Variants in ITSN2 observed in about 807,000 individuals in gnomAD.
ITSN2 encodes intersectin 2, also known as intersectin-2.
ITSN2 carries 156 observed loss-of-function variants against 243.7 expected under a neutral mutation model. The ratio of observed to expected loss-of-function variants is 0.64; its 90% confidence interval spans 0.56 to 0.73. The LOEUF (loss-of-function observed/expected upper bound fraction) is 0.73. ITSN2 is among the 30% of genes least tolerant of loss of function. The pLI is 0.00. For synonymous variants in ITSN2, 703 were observed against 699.9 expected, an observed-to-expected ratio of 1.00 and a Z score of -0.07; for missense variants, 1,801 against 1,996.1, an observed-to-expected ratio of 0.90 and a Z score of 1.86.
chr2:24,264,512 G>T (rs1420284302), intron 20 of ITSN2, among the ~76,000 whole-genome samples: 1 of 152,072 alleles, frequency 6.6e-6, no homozygotes, highest in East Asian at 1.9e-4. Context: ...AAATTCTACA[G>T]TTATAGGTTC....
intron 34 of ITSN2, 101 bp downstream of exon 34, chr2:24,210,679 G>C: frequency 9.2e-7 from 1 of 1,085,518 alleles, no homozygotes; most frequent in Non-Finnish European, 1.3e-6. Flanking sequence ...AGTCCACGCA[G>C]GCTGCCTAAG....
intron 2 of ITSN2, among the ~76,000 whole-genome samples, chr2:24,315,541 C>G (rs930277614): frequency 6.6e-6 from 1 of 152,218 alleles, no homozygotes; most frequent in Non-Finnish European, 1.5e-5. Context: ...ACAGTACTTA[C>G]AGTATTCACC....
intron 25 of ITSN2, among the ~76,000 whole-genome samples, chr2:24,250,290 G>A (rs1673926051): frequency 6.6e-6 from 1 of 152,182 alleles, no homozygotes. Flanking sequence ...TTGGGATTTA[G>A]CGAACATTTT....
At chr2:24,230,217 AT>A (rs1352048781) in intron 29 of ITSN2, among the ~76,000 whole-genome samples, 8 of 152,130 alleles carry the variant, frequency 5.3e-5, no homozygotes, top group African/African-American at 1.9e-4. Flanking sequence ...TGGCAATATC[AT>A]CTCTCCAGCT....
intron 29 of ITSN2, among the ~76,000 whole-genome samples, chr2:24,236,835 G>GCTAT (rs141040899): frequency 6.5e-4 from 98 of 150,964 alleles, no homozygotes; most frequent in African/African-American, 1.7e-3. Context: ...ACCACTCCCA[G>GCTAT]CTATCTATCT....
intron 19 of ITSN2, among the ~76,000 whole-genome samples, chr2:24,271,257 T>C (rs918755919): frequency 6.6e-6 from 1 of 152,206 alleles, no homozygotes; most frequent in African/African-American, 2.4e-5. Context: ...TACACAAATA[T>C]ACTGAATTTG....
At chr2:24,297,619 T>C (rs1443027289) in intron 13 of ITSN2, among the ~76,000 whole-genome samples, 1 of 152,188 alleles carries the variant, frequency 6.6e-6, no homozygotes, top group East Asian at 1.9e-4. Context: ...AGCTTCTCTG[T>C]TGTGAAGCGT....
Position 24,256,471 on chromosome 2 carries a change from A to C in ITSN2, c.2888+1417T>G, listed in dbSNP as rs1675070878. On this transcript the variant is annotated intron_variant, in intron 23 of 39. Transcript: ENST00000355123. ...GCAAAAGACCAGCATCTTTTCATCAAATCAGACTGCTTTTCTACCAACTTC... is the reference window on the plus strand; with the variant it reads ...GCAAAAGACCAGCATCTTTTCATCACATCAGACTGCTTTTCTACCAACTTC... Among the ~76,000 whole-genome samples the C allele has an allele frequency of 2.6e-5, 4 of 152,242 alleles. 1 individual carries two copies. The highest frequency in any genetic ancestry group is 2.6e-4 in the Admixed American group (4 of 15,282).
At chr2:24,244,647 GT>G (rs1673124309) in intron 29 of ITSN2, among the ~76,000 whole-genome samples, 1 of 152,096 alleles carries the variant, frequency 6.6e-6, no homozygotes. Context: ...AGATAAACTG[GT>G]TTCTAATTAA....
chr2:24,317,377 C>T (rs1339640042), intron 2 of ITSN2, among the ~76,000 whole-genome samples: 4 of 149,112 alleles, frequency 2.7e-5, no homozygotes, highest in African/African-American at 5.0e-5. Context: ...AAGGGCAAGA[C>T]GCAATCTCAA....
In ITSN2 at chr2:24,216,212, T is replaced by G; in HGVS notation, c.3827A>C (p.Lys1276Thr). ...KLLKALRVRK[K>T]TGGEKMPVQM... The stretch of plus-strand genomic sequence containing the variant: ...CACCGGCATCTTCTCGCCCCCGGTC[T>G]TCTTCCGCACCCGCAAAGCCCTGCC... Residue 1276 changes from lysine (K) to threonine (T), a missense_variant, in exon 32 of 40, where the codon AAG becomes ACG. Transcript: ENST00000355123. 1.9e-6 allele frequency: 3 copies of G among 1,605,366 alleles called. No homozygotes were observed. The highest frequency in any genetic ancestry group is 1.7e-6 in the Non-Finnish European group (2 of 1,175,972).
rs1331476745 is a variant in ITSN2, at chr2:24,293,677, T to C, written c.1723+11A>G. 3 of 928,360 alleles carry C rather than the reference T, an allele frequency of 3.2e-6. No homozygotes were observed. Among genetic ancestry groups the C allele is most frequent in the East Asian group, 5.5e-5 (2 of 36,508 alleles). 57.5% of individuals were successfully genotyped at this position (928,360 alleles called of 1,614,324 possible). A position where few individuals can be genotyped will look rare whatever the true frequency, so the allele number is the denominator to read the frequency against. ...AGGATAAAAGTAATCAGACAAACCT[T>C]AGAGACTTACCAGGTGTGTTACTGA... On this transcript the variant is annotated intron_variant, in intron 15 of 39. Transcript: ENST00000355123.
At chr2:24,308,950 C>T (rs1178198394) in intron 7 of ITSN2, 194 bp from the exon 8 acceptor site, 6 of 574,046 alleles carry the variant, frequency 1.0e-5, no homozygotes, top group Non-Finnish European at 1.7e-5. Flanking sequence ...TGAGCTCCAG[C>T]TCCTGTCCAG....
chr2:24,236,497 T>C (rs1672167223), intron 29 of ITSN2, among the ~76,000 whole-genome samples: 1 of 152,186 alleles, frequency 6.6e-6, no homozygotes, highest in Non-Finnish European at 1.5e-5. Flanking sequence ...TGTATCTCAA[T>C]GAAGCTGTTA....
chr2:24,331,102 G>T, intron 1 of ITSN2, among the ~76,000 whole-genome samples: 1 of 119,834 alleles, frequency 8.3e-6, no homozygotes, highest in Non-Finnish European at 1.7e-5. Flanking sequence ...GCAGAGTTTC[G>T]CTCTTGTTGC....
intron 17 of ITSN2, among the ~76,000 whole-genome samples, chr2:24,279,577 G>A (rs1678481181): frequency 1.3e-5 from 2 of 152,168 alleles, no homozygotes; most frequent in Non-Finnish European, 2.9e-5. Flanking sequence ...ATGTCAGCAT[G>A]TTTTGTAAAG....
At chr2:24,245,680 T>C (rs573830369) in intron 29 of ITSN2, among the ~76,000 whole-genome samples, 9 of 152,262 alleles carry the variant, frequency 5.9e-5, no homozygotes, top group Admixed American at 6.5e-5. Context: ...GGTTTCGCCA[T>C]GTTGCCCAGG....
Position 24,249,039 on chromosome 2 carries a change from A to G in ITSN2, c.3121-157T>C, listed in dbSNP as rs376871786. Among the ~76,000 whole-genome samples the G allele has an allele frequency of 3.3e-5, 5 of 152,252 alleles. No homozygotes were observed. The highest frequency in any genetic ancestry group is 9.6e-5 in the African/African-American group (4 of 41,484). On this transcript the variant is annotated intron_variant, in intron 25 of 39. Coordinates refer to ENST00000355123, the MANE Select transcript of ITSN2 (RefSeq NM_006277.3). The surrounding 1 kb of genome is among the most constrained non-coding windows in gnomAD (Gnocchi z 4.4). ...TGAACCTCATGCAGTATTAACAAAT[A>G]AGTGAAAAATCCAACACTTATGAGG...
chr2:24,272,907 T>C (rs1010060002), intron 18 of ITSN2, among the ~76,000 whole-genome samples: 1 of 152,194 alleles, frequency 6.6e-6, no homozygotes, highest in African/African-American at 2.4e-5. Flanking sequence ...GTATTAGAAC[T>C]CATGCATCTT....
Sources: allele counts gnomAD v4.1 joint callset (sites outside exome capture counted in the v4.1 genomes callset), GRCh38; gene constraint gnomAD v4.1.1; non-coding constraint Gnocchi (gnomAD v3.1); transcripts MANE v1.5; gene names NCBI Gene and HGNC (gene_info 2026-07-23, HGNC 2026-07-21).